PCDH15: variants seen among roughly 807,000 people sequenced by gnomAD.
PCDH15 encodes the protein protocadherin-15.
In PCDH15, 129 loss-of-function variants were observed where a neutral mutation model predicts 178.5. That is an observed-to-expected ratio of 0.72 (90% CI 0.63 to 0.84). The LOEUF (loss-of-function observed/expected upper bound fraction) is 0.84. PCDH15 is among the 40% of genes least tolerant of loss of function. PCDH15 has a pLI of 0.00. For synonymous variants in PCDH15, 800 were observed against 732.0 expected, an observed-to-expected ratio of 1.09 and a Z score of -1.50; for missense variants, 2,230 against 2,099.9, an observed-to-expected ratio of 1.06 and a Z score of -1.21.
In PCDH15 at chr10:55,250,499, C is replaced by T. The variant is rs534909390; in HGVS notation, c.-156+69100G>A. Among the ~76,000 whole-genome samples, 17 of 145,762 alleles carry T rather than the reference C, an allele frequency of 1.2e-4. 1 individual carries two copies. In the East Asian group the frequency reaches 3.2e-3, roughly 28 times the overall value. ...GACCCTTGTAAAAAAAAAAACTAGT[C>T]AATACCAAAATGACCTAAGAAATTT... is the stretch of plus-strand genomic sequence containing the variant. On this transcript the variant is annotated intron_variant, in intron 1 of 5. Transcript: ENST00000458638.
intron 19 of PCDH15, 75 bp from the exon 20 acceptor site, chr10:54,020,491 C>T (rs922005850): frequency 2.1e-5 from 29 of 1,369,954 alleles, no homozygotes; most frequent in East Asian, 2.1e-4. Flanking sequence ...GGAAGTCATG[C>T]GTTAGTGCCT....
At chr10:54,048,542 A>G (rs919944620) in intron 18 of PCDH15, among the ~76,000 whole-genome samples, 2 of 152,094 alleles carry the variant, frequency 1.3e-5, no homozygotes, top group Non-Finnish European at 1.5e-5. Flanking sequence ...CATCTTACAT[A>G]AGTGATTAGT....
At chr10:54,742,247 G>A (rs910052988) in intron 1 of PCDH15, among the ~76,000 whole-genome samples, 1 of 152,024 alleles carries the variant, frequency 6.6e-6, no homozygotes, top group Non-Finnish European at 1.5e-5. Flanking sequence ...CTATGTGGGA[G>A]ACTTTTCCAA....
intron 18 of PCDH15, among the ~76,000 whole-genome samples, chr10:54,026,072 A>ATT (rs973797608): frequency 2.5e-3 from 361 of 142,820 alleles, no homozygotes; most frequent in Non-Finnish European, 4.4e-3. Context: ...TTAGGATGGG[A>ATT]TTTTTTTTTT....
chr10:53,831,188 G>T, intron 30 of PCDH15, 127 bp downstream of exon 30: 1 of 902,330 alleles, frequency 1.1e-6, no homozygotes, highest in Non-Finnish European at 1.9e-6. Flanking sequence ...GAGATAGACA[G>T]ACAGATAAAG....
intron 1 of PCDH15, among the ~76,000 whole-genome samples, chr10:55,222,322 T>C (rs1275547109): frequency 6.6e-6 from 1 of 152,040 alleles, no homozygotes; most frequent in Non-Finnish European, 1.5e-5. Flanking sequence ...TTTTGAATAG[T>C]AGTTATATGG....
chr10:54,674,840 G>T lies in PCDH15; in HGVS notation c.-28-10550C>A, dbSNP rs191263082. On this transcript the variant is annotated intron_variant, in intron 1 of 37. Coordinates refer to ENST00000644397, the MANE Select transcript of PCDH15 (RefSeq NM_001384140.1). ...CATGTTGTCCAAGGGTCAATTGTGT[G>T]TAATTTTATAATTGTAAAACTCTGT... 3.0e-4 allele frequency among the ~76,000 whole-genome samples: 46 copies of T among 152,086 alleles called. No homozygotes were observed. In the East Asian group the frequency reaches 7.9e-3, roughly 26 times the overall value.
intron 1 of PCDH15, among the ~76,000 whole-genome samples, chr10:54,774,077 G>A (rs1369767515): frequency 7.4e-6 from 1 of 134,856 alleles, no homozygotes; most frequent in African/African-American, 2.8e-5. Flanking sequence ...CTCCCAGGCT[G>A]GAGTGCAGTG....
intron 2 of PCDH15, among the ~76,000 whole-genome samples, chr10:55,082,548 G>T (rs1842068242): frequency 7.5e-6 from 1 of 133,848 alleles, no homozygotes; most frequent in Non-Finnish European, 1.7e-5. Flanking sequence ...TAGAAGAAAA[G>T]AAAGATCAGA....
intron 1 of PCDH15, among the ~76,000 whole-genome samples, chr10:55,212,570 A>G (rs754522812): frequency 6.6e-6 from 1 of 152,058 alleles, no homozygotes; most frequent in African/African-American, 2.4e-5. Flanking sequence ...ATAGTTAACA[A>G]GGGGAACTTA....
chr10:54,240,938 T>C (rs1027606952), intron 8 of PCDH15, among the ~76,000 whole-genome samples: 1 of 152,124 alleles, frequency 6.6e-6, no homozygotes, highest in African/African-American at 2.4e-5. Context: ...GCCAATTCTG[T>C]TATTTTCATT....
chr10:54,600,990 G>A (rs1184705470), intron 2 of PCDH15, among the ~76,000 whole-genome samples: 1 of 151,988 alleles, frequency 6.6e-6, no homozygotes, highest in African/African-American at 2.4e-5. Context: ...AACAATAAAT[G>A]AAACACAGAA....
At chr10:54,445,362 AG>A (rs1338626186) in intron 3 of PCDH15, among the ~76,000 whole-genome samples, 3 of 151,688 alleles carry the variant, frequency 2.0e-5, no homozygotes, top group East Asian at 3.9e-4. Context: ...ACAGAAAAAA[AG>A]AGAATCCAAT....
At chr10:54,259,209 C>T (rs918893773) in intron 8 of PCDH15, among the ~76,000 whole-genome samples, 2 of 152,138 alleles carry the variant, frequency 1.3e-5, no homozygotes, top group Non-Finnish European at 2.9e-5. Flanking sequence ...CTAAATAAGC[C>T]ACAGCCTTGA....
Position 54,330,169 on chromosome 10 carries a change from CAA to C in PCDH15, c.595-465_595-464del, listed in dbSNP as rs3069757. 2.2e-3 allele frequency among the ~76,000 whole-genome samples: 334 copies of C among 150,228 alleles called. 1 individual carries two copies. Among genetic ancestry groups the C allele is most frequent in the African/African-American group, 7.1e-3 (295 of 41,276 alleles). The stretch of plus-strand genomic sequence containing the variant: ...TTTAAGTATTATCTGGCATTAAATA[CAA>C]AAAAAAAAATACAGTTACGAGTCAC... On this transcript the variant is annotated intron_variant, in intron 6 of 37. Transcript: ENST00000644397.
At chr10:54,756,613 C>G (rs1947159103) in intron 1 of PCDH15, among the ~76,000 whole-genome samples, 1 of 152,090 alleles carries the variant, frequency 6.6e-6, no homozygotes, top group South Asian at 2.1e-4. Context: ...GTACAGAACT[C>G]CACTGCAACC....
intron 21 of PCDH15, among the ~76,000 whole-genome samples, chr10:53,979,583 C>T (rs191325278): frequency 7.9e-5 from 12 of 152,324 alleles, no homozygotes; most frequent in African/African-American, 2.9e-4. Flanking sequence ...GACAGCTTCT[C>T]ATATTCGTCT....
chr10:54,474,447 A>AT (rs2078133623), intron 3 of PCDH15, among the ~76,000 whole-genome samples: 1 of 151,978 alleles, frequency 6.6e-6, no homozygotes. Flanking sequence ...CTTCCAGGTC[A>AT]TTAAGTCACC....
rs73268271 is a variant in PCDH15, at chr10:54,820,129, G to C, written c.-29+77321C>G. ...AACCATTCCAACAATGACAAGGAAA[G>C]TAATCTTAGTAGGACAGGGAAACTT... On this transcript the variant is annotated intron_variant, in intron 3 of 5. Coordinates refer to the PCDH15 transcript ENST00000458638. Among the ~76,000 whole-genome samples, 558 of 152,058 alleles carry C rather than the reference G, an allele frequency of 3.7e-3. 1 individual carries two copies. The highest frequency in any genetic ancestry group is 0.013 in the African/African-American group (536 of 41,520).
Sources: allele counts gnomAD v4.1 joint callset (sites outside exome capture counted in the v4.1 genomes callset), GRCh38; gene constraint gnomAD v4.1.1; transcripts MANE v1.5; gene names NCBI Gene and HGNC (gene_info 2026-07-23, HGNC 2026-07-21).